VTA1: variants seen among roughly 807,000 people sequenced by gnomAD.
VTA1 encodes the protein vacuolar protein sorting-associated protein VTA1 homolog.
In VTA1, 24 loss-of-function variants were observed where a neutral mutation model predicts 36.9. The observed-to-expected ratio is 0.65, with a 90% CI of 0.47 to 0.91. The LOEUF (loss-of-function observed/expected upper bound fraction) is 0.91. Ranked by LOEUF, VTA1 falls within the 40% of genes least tolerant of loss-of-function variation. The pLI is 0.00. For missense variants in VTA1, 393 were observed against 377.2 expected (o/e 1.04, Z -0.35); for synonymous variants, 142 against 130.2 (o/e 1.09, Z -0.62).
At chr6:142,150,253 T>A (rs1778542468) in intron 1 of VTA1, among the ~76,000 whole-genome samples, 2 of 152,168 alleles carry the variant, frequency 1.3e-5, no homozygotes, top group Non-Finnish European at 2.9e-5. Context: ...AGAACACTGC[T>A]CTTGGTGACT....
chr6:142,177,948 T>C (rs1323582489), intron 4 of VTA1, among the ~76,000 whole-genome samples: 1 of 152,166 alleles, frequency 6.6e-6, no homozygotes, highest in Non-Finnish European at 1.5e-5. Context: ...TTATTGCTAC[T>C]GTATTTGGGA....
chr6:142,175,938 C>T (rs562248900), intron 4 of VTA1, among the ~76,000 whole-genome samples: 3 of 152,072 alleles, frequency 2.0e-5, no homozygotes, highest in Non-Finnish European at 4.4e-5. Flanking sequence ...GTATTTAGCT[C>T]TTTTAACTGT....
intron 6 of VTA1, among the ~76,000 whole-genome samples, chr6:142,203,776 A>T (rs1269861344): frequency 6.6e-6 from 1 of 152,208 alleles, no homozygotes; most frequent in Non-Finnish European, 1.5e-5. Flanking sequence ...GCATTAGACA[A>T]AATACATGTT....
chr6:142,169,755 C>T, intron 3 of VTA1, 78 bp downstream of exon 3: 1 of 1,278,530 alleles, frequency 7.8e-7, no homozygotes, highest in South Asian at 1.8e-5. Flanking sequence ...TTCTCTGGAA[C>T]ACTTTCTAAC....
chr6:142,206,063 G>T (rs1219620873), intron 7 of VTA1, among the ~76,000 whole-genome samples: 1 of 152,024 alleles, frequency 6.6e-6, no homozygotes, highest in Non-Finnish European at 1.5e-5. Flanking sequence ...CCTAGCTAGT[G>T]CAGTAAGAAA....
chr6:142,213,467 G>A (rs1282184406), intron 7 of VTA1, among the ~76,000 whole-genome samples: 1 of 152,204 alleles, frequency 6.6e-6, no homozygotes, highest in African/African-American at 2.4e-5. Flanking sequence ...CTGAGGTCTA[G>A]AGGATGGTGG....
intron 5 of VTA1, among the ~76,000 whole-genome samples, chr6:142,191,386 C>A (rs565039306): frequency 6.6e-6 from 1 of 152,058 alleles, no homozygotes; most frequent in East Asian, 1.9e-4. Flanking sequence ...CTTCTCTAAT[C>A]TTAAAACTCT....
In VTA1 at chr6:142,224,208, T is replaced by G. The variant is rs1776162063; in HGVS notation, c.*5565T>G. 2.0e-5 allele frequency: 3 copies of G among 152,350 alleles called. No individual in the cohort carries two copies. In the South Asian group the frequency reaches 6.2e-4, roughly 32 times the overall value. The allele number at this position is 152,350 out of a possible 1,614,324, so 9.4% of individuals were successfully genotyped here. A position where few individuals can be genotyped will look rare whatever the true frequency, so the allele number is the denominator to read the frequency against. ...GCACGTGTACAGAGAAGAGGCCATG[T>G]GAGGACACGCAGAGGCTCGAATATG... On this transcript the variant is annotated 3_prime_UTR_variant, in exon 8 of 8. Transcript: ENST00000367630.
At chr6:142,198,115 ATATATGTG>A (rs1384284879) in intron 5 of VTA1, among the ~76,000 whole-genome samples, 3 of 76,492 alleles carry the variant, frequency 3.9e-5, no homozygotes, top group African/African-American at 1.2e-4. Context: ...ATATATATAT[ATATATGTG>A]TGTGTGTGTG....
At chr6:142,198,155 GTGTGTGTGTA>G (rs1224829101) in intron 5 of VTA1, among the ~76,000 whole-genome samples, 1,685 of 143,220 alleles carry the variant, frequency 0.012, 30 homozygotes, top group Middle Eastern at 0.03. Context: ...GTGTGTGTGT[GTGTGTGTGTA>G]TATGTGTGTA....
chr6:142,198,826 G>A, intron 6 of VTA1: 1 of 423,150 alleles, frequency 2.4e-6, no homozygotes, highest in Non-Finnish European at 4.1e-6. Context: ...AGTATTATGT[G>A]CATTGATTAC....
rs1393910424 is a variant in VTA1 at position 142,147,281 on chromosome 6, A to C, written c.-7A>C. 6.2e-7 allele frequency: 1 copy of C among 1,613,990 alleles called. No homozygotes were observed. The highest frequency in any genetic ancestry group is 8.5e-7 in the Non-Finnish European group (1 of 1,179,992). On this transcript the variant is annotated 5_prime_UTR_variant, in exon 1 of 8. Coordinates refer to ENST00000367630, the MANE Select transcript of VTA1 (RefSeq NM_016485.5). ...CGCGAGTAGGAAGTGGTGAGTTCGG[A>C]GTAGAGATGGCCGCGCTTGCACCGC... is the stretch of plus-strand genomic sequence containing the variant.
chr6:142,215,357 C>T (rs1775986680), intron 7 of VTA1, among the ~76,000 whole-genome samples: 1 of 151,548 alleles, frequency 6.6e-6, no homozygotes. Context: ...AGGAGAATGG[C>T]ATGAACCCGG....
At position 142,169,601 on chromosome 6, in the gene VTA1, T is replaced by G; in HGVS notation, c.259T>G (p.Cys87Gly). 6.2e-7 allele frequency: 1 copy of G among 1,609,726 alleles called. No individual in the cohort carries two copies. Among genetic ancestry groups the G allele is most frequent in the Non-Finnish European group, 8.5e-7 (1 of 1,178,762 alleles). Reference sequence around the variant, plus strand: ...AGCTATTACTCAAGAAATAGTGGGCTGTGCCCATTTGGAGAATTATGCTTT... The same window carrying G: ...AGCTATTACTCAAGAAATAGTGGGCGGTGCCCATTTGGAGAATTATGCTTT... ...NEAITQEIVG[C>G]AHLENYALKM... The change falls in exon 3 of 8, where the codon TGT becomes GGT. Residue 87 changes from cysteine to glycine, a missense_variant. Transcript: ENST00000367630.
chr6:142,163,585 T>G (rs1015099872), intron 1 of VTA1, among the ~76,000 whole-genome samples: 20 of 152,128 alleles, frequency 1.3e-4, no homozygotes, highest in South Asian at 2.1e-4. Flanking sequence ...TTTCTTCAAG[T>G]GACAACTGCT....
In VTA1 at chr6:142,222,997, T is replaced by C. The variant is rs1411279741; in HGVS notation, c.*4354T>C. 1 of 152,198 alleles carries C rather than the reference T, an allele frequency of 6.6e-6. No individual in the cohort carries two copies. The highest frequency in any genetic ancestry group is 1.5e-5 in the Non-Finnish European group (1 of 68,036). The allele number at this position is 152,198 out of a possible 1,614,324, so 9.4% of individuals were successfully genotyped here. A position where few individuals can be genotyped will look rare whatever the true frequency, so the allele number is the denominator to read the frequency against. The stretch of plus-strand genomic sequence containing the variant: ...TATTTCTAAGCTCAGACTGCCTGTT[T>C]CAGATCATAAGAAGTATCATCCATG... On this transcript the variant is annotated 3_prime_UTR_variant, in exon 8 of 8. Transcript: ENST00000367630.
At chr6:142,181,094 A>AAAAAAAATATAT (rs1471429927) in intron 4 of VTA1, among the ~76,000 whole-genome samples, 6 of 36,422 alleles carry the variant, frequency 1.6e-4, no homozygotes, top group African/African-American at 3.8e-4. Context: ...AAAAAAAAAA[A>AAAAAAAATATAT]ATATATATAT....
chr6:142,157,429 T>G (rs1298749135), intron 1 of VTA1, among the ~76,000 whole-genome samples: 1 of 152,214 alleles, frequency 6.6e-6, no homozygotes, highest in African/African-American at 2.4e-5. Flanking sequence ...TACTGATTTA[T>G]CCATTAGCCT....
chr6:142,175,414 C>G (rs903376779), intron 4 of VTA1, among the ~76,000 whole-genome samples: 7 of 151,902 alleles, frequency 4.6e-5, no homozygotes, highest in Admixed American at 6.6e-5. Flanking sequence ...GTGTTTTTAG[C>G]CGGCTTTGCC....
Sources: allele counts gnomAD v4.1 joint callset (sites outside exome capture counted in the v4.1 genomes callset), GRCh38; gene constraint gnomAD v4.1.1; transcripts MANE v1.5; gene names NCBI Gene and HGNC (gene_info 2026-07-23, HGNC 2026-07-21).